The following HBS1L variants were observed in gnomAD, a reference collection of about 807,000 sequenced individuals.
HBS1L encodes HBS1 like translational GTPase.
HBS1L carries 55 observed loss-of-function variants against 88.9 expected under a neutral mutation model. The ratio of observed to expected loss-of-function variants is 0.62; its 90% CI spans 0.50 to 0.77. HBS1L has a LOEUF of 0.77. Among genes scored for constraint, HBS1L ranks in the 30% least tolerant of loss-of-function variants. The probability of loss-of-function intolerance (pLI) is 0.00; values close to 1 mark genes in which losing one functional copy is unlikely to be tolerated. For missense variants in HBS1L, 741 were observed against 829.3 expected, an observed-to-expected ratio of 0.89 and a Z score of 1.31; for synonymous variants, 267 against 288.5, an observed-to-expected ratio of 0.93 and a Z score of 0.76.
Position 135,013,095 on chromosome 6 carries a change from T to A in HBS1L, c.431-10253A>T, listed in dbSNP as rs1462033924. 1.3e-4 allele frequency among the ~76,000 whole-genome samples: 20 copies of A among 152,212 alleles called. 1 individual carries two copies. Among genetic ancestry groups the A allele is most frequent in the Admixed American group, 1.3e-3 (20 of 15,288 alleles). On this transcript the variant is annotated intron_variant, in intron 4 of 17. Coordinates refer to ENST00000367837, the MANE Select transcript of HBS1L (RefSeq NM_006620.4). Reference sequence around the variant, plus strand: ...ACTCTGCTGCAACACAACCTGAGTTTGAAGCCAGGCCTTGCCACTGCATGA... The same window carrying A: ...ACTCTGCTGCAACACAACCTGAGTTAGAAGCCAGGCCTTGCCACTGCATGA...
chr6:135,045,070 G>A lies in HBS1L; in HGVS notation c.110-2944C>T, dbSNP rs58226438. ...TGGATTTGCAAAGGGTGGGTGGGGG[G>A]AAGAGTAAGAAAACTCCCCCAGGAG... is the stretch of plus-strand genomic sequence containing the variant. On this transcript the variant is annotated intron_variant, in intron 2 of 17. Coordinates refer to ENST00000367837, the MANE Select transcript of HBS1L (RefSeq NM_006620.4). 4.9e-4 allele frequency among the ~76,000 whole-genome samples: 71 copies of A among 144,932 alleles called. No homozygotes were observed. The East Asian group carries it at 0.015, about 31-fold the overall frequency.
chr6:134,966,005 G>A (rs1265439275), intron 17 of HBS1L, among the ~76,000 whole-genome samples: 1 of 152,082 alleles, frequency 6.6e-6, no homozygotes, highest in Non-Finnish European at 1.5e-5. Context: ...TTATGATAGT[G>A]TAGAAGAAAT....
chr6:135,040,344 CTTTTTTTT>C (rs71006751), intron 3 of HBS1L, among the ~76,000 whole-genome samples: 1,109 of 110,116 alleles, frequency 0.01, 17 homozygotes, highest in African/African-American at 0.037. Flanking sequence ...GATAGGCATT[CTTTTTTTT>C]TTTTTTTTTT....
At chr6:135,013,373 A>G (rs1016544347) in intron 4 of HBS1L, among the ~76,000 whole-genome samples, 1 of 152,216 alleles carries the variant, frequency 6.6e-6, no homozygotes, top group African/African-American at 2.4e-5. Flanking sequence ...TCACATATTC[A>G]TTCATGAAGG....
chr6:134,965,688 A>G (rs1270880167), intron 17 of HBS1L, among the ~76,000 whole-genome samples: 1 of 152,214 alleles, frequency 6.6e-6, no homozygotes, highest in Non-Finnish European at 1.5e-5. Context: ...ATTGAAGGAG[A>G]AATGCATTTA....
intron 1 of HBS1L, 64 bp from the exon 2 acceptor site, chr6:135,050,711 G>A (rs1280430370): frequency 7.9e-6 from 8 of 1,014,230 alleles, no homozygotes; most frequent in South Asian, 1.5e-5. Context: ...AGTTACTAGT[G>A]AGGAAGCATC....
chr6:134,987,503 T>G (rs1224498107), intron 9 of HBS1L, 142 bp downstream of exon 9: 1 of 525,690 alleles, frequency 1.9e-6, no homozygotes, highest in Non-Finnish European at 3.1e-6. Flanking sequence ...CTCATTTATT[T>G]AAGATGAGAA....
chr6:135,035,777 A>G, intron 4 of HBS1L: 1 of 129,268 alleles, frequency 7.7e-6, no homozygotes, highest in East Asian at 2.3e-4. Flanking sequence ...AAAAAAAAAA[A>G]AAAAAAAAAA....
At chr6:134,984,461 G>A (rs1043286973) in intron 12 of HBS1L, among the ~76,000 whole-genome samples, 18 of 152,128 alleles carry the variant, frequency 1.2e-4, no homozygotes, top group African/African-American at 4.3e-4. Context: ...CAATGACAGA[G>A]GATACAGAGA....
intron 8 of HBS1L, among the ~76,000 whole-genome samples, chr6:134,989,000 A>T (rs1775058232): frequency 6.6e-6 from 1 of 152,240 alleles, no homozygotes; most frequent in African/African-American, 2.4e-5. Context: ...TGAATCAGAT[A>T]GAAAGACATT....
chr6:135,012,641 C>G (rs1383096455), intron 4 of HBS1L, among the ~76,000 whole-genome samples: 1 of 152,066 alleles, frequency 6.6e-6, no homozygotes, highest in Non-Finnish European at 1.5e-5. Flanking sequence ...CCGCAATTTA[C>G]CCCTCAAGAT....
At chr6:135,033,176 A>G (rs1250445420) in intron 4 of HBS1L, among the ~76,000 whole-genome samples, 2 of 152,202 alleles carry the variant, frequency 1.3e-5, no homozygotes, top group African/African-American at 4.8e-5. Context: ...TCTATTTCTA[A>G]AGTAAATTAT....
intron 5 of HBS1L, among the ~76,000 whole-genome samples, chr6:135,000,243 A>G (rs1775412852): frequency 1.1e-5 from 1 of 94,626 alleles, no homozygotes; most frequent in African/African-American, 8.5e-5. Context: ...TTTTTGGTAG[A>G]GATGGGGGAA....
intron 4 of HBS1L, among the ~76,000 whole-genome samples, chr6:135,006,161 A>G (rs1044133771): frequency 1.3e-5 from 2 of 152,220 alleles, no homozygotes; most frequent in Non-Finnish European, 2.9e-5. Flanking sequence ...AGAAGAAAGT[A>G]TATGGCATTG....
intron 15 of HBS1L, among the ~76,000 whole-genome samples, chr6:134,976,578 G>A (rs1382839199): frequency 6.6e-6 from 1 of 152,062 alleles, no homozygotes; most frequent in African/African-American, 2.4e-5. Flanking sequence ...AGCCATACAA[G>A]GGTAGAGATA....
intron 2 of HBS1L, 39 bp downstream of exon 2, chr6:135,050,543 C>T: frequency 7.4e-7 from 1 of 1,356,822 alleles, no homozygotes; most frequent in Non-Finnish European, 1.0e-6. Flanking sequence ...CATTTTTAAA[C>T]ACCAAATCTA....
intron 4 of HBS1L, among the ~76,000 whole-genome samples, chr6:135,030,404 G>C (rs951151866): frequency 6.6e-6 from 1 of 151,942 alleles, no homozygotes; most frequent in African/African-American, 2.4e-5. Context: ...AGGAGGGAAG[G>C]GGGAGAGAAA....
chr6:135,003,804 G>C (rs1176633986), intron 4 of HBS1L, among the ~76,000 whole-genome samples: 1 of 152,132 alleles, frequency 6.6e-6, no homozygotes, highest in Non-Finnish European at 1.5e-5. Flanking sequence ...GGTGGAGGTT[G>C]CAGTGAACCA....
chr6:135,004,193 G>A (rs1775544474), intron 4 of HBS1L, among the ~76,000 whole-genome samples: 1 of 151,614 alleles, frequency 6.6e-6, no homozygotes, highest in South Asian at 2.1e-4. Context: ...AAATGTGATG[G>A]TGAAGAACAG....
Sources: gnomAD v4.1 joint callset for allele counts (sites outside exome capture counted in the v4.1 genomes callset) on GRCh38, gnomAD v4.1.1 for gene constraint, MANE v1.5 for transcripts, NCBI Gene and HGNC (gene_info 2026-07-23, HGNC 2026-07-21) for gene names.